Variants in EIF4G2 observed in about 807,000 individuals in gnomAD.
EIF4G2 encodes eukaryotic translation initiation factor 4 gamma 2, also known as DAP-5.
A neutral mutation model predicts 117.7 loss-of-function variants in EIF4G2; 8 were observed. That is an observed-to-expected ratio of 0.07 (90% CI 0.04 to 0.12). The LOEUF is 0.12. Ranked by LOEUF, EIF4G2 falls within the 10% of genes least tolerant of loss-of-function variation. The probability of loss-of-function intolerance (pLI) is 1.00; values close to 1 mark genes in which losing one functional copy is unlikely to be tolerated. For synonymous variants in EIF4G2, 413 were observed against 367.8 expected, an observed-to-expected ratio of 1.12 and a Z score of -1.41; for missense variants, 812 against 1,086.2, an observed-to-expected ratio of 0.75 and a Z score of 3.55.
Position 10,797,934 on chromosome 11 carries a change from A to G in EIF4G2, c.2659-53T>C. On this transcript the variant is annotated intron_variant, in intron 21 of 21. Coordinates refer to ENST00000339995, the MANE Select transcript of EIF4G2 (RefSeq NM_001418.4). The surrounding 1 kb of genome is among the most constrained non-coding windows in gnomAD (Gnocchi z 4.5). ...TAGTTCATGATATAAACAGAAATCC[A>G]TCCAAAAAGTTTTAGGTGGTACTAC... 6.3e-7 allele frequency: 1 copy of G among 1,580,130 alleles called. No individual in the cohort carries two copies. Among genetic ancestry groups the G allele is most frequent in the East Asian group, 2.2e-5 (1 of 44,682 alleles).
chr11:10,806,598 A>T (rs1217330165), intron 3 of EIF4G2: 1 of 525,344 alleles, frequency 1.9e-6, no homozygotes, highest in African/African-American at 1.9e-5. Context: ...AAAATAACCC[A>T]AAGAATAAGG....
chr11:10,802,144 G>A lies in EIF4G2; in HGVS notation c.1204C>T (p.Arg402Cys). The A allele has an allele frequency of 6.4e-7, 1 of 1,561,470 alleles. No individual in the cohort carries two copies. Among genetic ancestry groups the A allele is most frequent in the Non-Finnish European group, 8.7e-7 (1 of 1,155,408 alleles). ...TGGCCATTGAAGAGTTGATTTGAAC[G>A]ATGACGTCCCATGGTGGGTGAAAAT... Residue 402 changes from arginine (R) to cysteine (C), a missense_variant, in exon 13 of 22, where the codon CGT becomes TGT. Arg to Cys is a radical substitution (Grantham distance 180). Around this residue, in one of 4 missense-constraint regions of EIF4G2, gnomAD observed 571 missense variants for 642.3 expected, o/e 0.89. Coordinates refer to ENST00000339995, the MANE Select transcript of EIF4G2 (RefSeq NM_001418.4).
At chr11:10,801,390 G>A in intron 14 of EIF4G2, 4 of 629,882 alleles carry the variant, frequency 6.4e-6, no homozygotes, top group Non-Finnish European at 1.1e-5. Flanking sequence ...TTTATCCTTA[G>A]TTAAATCACC....
In EIF4G2 at chr11:10,797,937, CA is replaced by C; in HGVS notation, c.2659-57del. The C allele has an allele frequency of 9.6e-6, 15 of 1,568,556 alleles. No homozygotes were observed. The highest frequency in any genetic ancestry group is 1.7e-5 in the Admixed American group (1 of 58,698). ...TTCATGATATAAACAGAAATCCATC[CA>C]AAAAGTTTTAGGTGGTACTACACAG... On this transcript the variant is annotated intron_variant, in intron 21 of 21. Transcript: ENST00000339995. The surrounding 1 kb of genome is among the most constrained non-coding windows in gnomAD (Gnocchi z 4.5).
At chr11:10,805,295 T>C (rs1009258090) in intron 4 of EIF4G2, among the ~76,000 whole-genome samples, 1 of 152,192 alleles carries the variant, frequency 6.6e-6, no homozygotes, top group Non-Finnish European at 1.5e-5. Context: ...GGCTAGACCA[T>C]GAACTAAGAC....
At chr11:10,807,588 G>A (rs928365635) in intron 1 of EIF4G2, 76 of 1,206,724 alleles carry the variant, frequency 6.3e-5, no homozygotes, top group Non-Finnish European at 7.7e-5. Context: ...AAGAGACTTC[G>A]TAGAACACAA....
chr11:10,807,500 T>C, intron 1 of EIF4G2, 119 bp from the exon 2 acceptor site: 1 of 1,343,554 alleles, frequency 7.4e-7, no homozygotes, highest in South Asian at 2.0e-5. Flanking sequence ...TCTGTAAGAC[T>C]AACCTAAAAT....
At chr11:10,806,631 C>G (rs1261167095) in intron 3 of EIF4G2, 189 bp downstream of exon 3, 1 of 575,772 alleles carries the variant, frequency 1.7e-6, no homozygotes, top group African/African-American at 1.9e-5. Context: ...GCTTGAGAGT[C>G]TCAACTCACT....
At position 10,803,708 on chromosome 11, in the gene EIF4G2, G is replaced by A. The variant is rs1057433447; in HGVS notation, c.703-118C>T. 1.1e-5 allele frequency: 12 copies of A among 1,123,972 alleles called. No individual in the cohort carries two copies. Among genetic ancestry groups the A allele is most frequent in the Non-Finnish European group, 1.4e-5 (11 of 775,132 alleles). The allele number at this position is 1,123,972 out of a possible 1,614,324, so 69.6% of individuals were successfully genotyped here. Reference sequence around the variant, plus strand: ...ACAGTTCCTACAGAATCTAGTATAGGGCTTTCTACCAGTCTGGTTGATCAG... The same window carrying A: ...ACAGTTCCTACAGAATCTAGTATAGAGCTTTCTACCAGTCTGGTTGATCAG... On this transcript the variant is annotated intron_variant, in intron 8 of 21. Transcript: ENST00000339995. This position sits in a 1 kb window ranked among gnomAD's most constrained non-coding sequence, Gnocchi z 4.0.
intron 3 of EIF4G2, chr11:10,806,476 G>C: frequency 6.2e-6 from 2 of 322,868 alleles, no homozygotes; most frequent in South Asian, 8.7e-5. Flanking sequence ...CCACTGTACC[G>C]GCTGCCAATA....
At chr11:10,805,880 T>C in intron 4 of EIF4G2, 27 bp downstream of exon 4, 1 of 1,614,152 alleles carries the variant, frequency 6.2e-7, no homozygotes, top group Non-Finnish European at 8.5e-7. Context: ...CTTCCCATCT[T>C]TTAGTAAAAC....
intron 1 of EIF4G2, chr11:10,808,009 C>T: frequency 9.6e-7 from 1 of 1,042,862 alleles, no homozygotes; most frequent in Non-Finnish European, 1.2e-6. Flanking sequence ...TTCCGACAAC[C>T]TCCCCGCGAG....
intron 5 of EIF4G2, 32 bp from the exon 6 acceptor site, chr11:10,804,450 T>A: frequency 1.3e-6 from 2 of 1,547,480 alleles, no homozygotes. Context: ...AAACTAAATA[T>A]GAAAACTTCT....
In EIF4G2 at chr11:10,800,073, A is replaced by G. The variant is rs766669437; in HGVS notation, c.2119+17T>C. 27 of 1,608,206 alleles carry G rather than the reference A, an allele frequency of 1.7e-5. No homozygotes were observed. The highest frequency in any genetic ancestry group is 2.3e-5 in the Non-Finnish European group (27 of 1,177,806). ...TAATATTAAAAAAACAAAACAAACA[A>G]GTCAGCATTCTCTTACCTGGGAGCA... On this transcript the variant is annotated intron_variant, in intron 18 of 21. Coordinates refer to ENST00000339995, the MANE Select transcript of EIF4G2 (RefSeq NM_001418.4).
At chr11:10,802,757 C>G (rs1289415722) in intron 11 of EIF4G2, among the ~76,000 whole-genome samples, 1 of 152,162 alleles carries the variant, frequency 6.6e-6, no homozygotes, top group African/African-American at 2.4e-5. Context: ...GTCCCAGCTA[C>G]TGGGGAGGCT....
Position 10,808,598 on chromosome 11 carries a change from A to G in EIF4G2, c.-87+107T>C. On this transcript the variant is annotated intron_variant, in intron 1 of 21. Coordinates refer to ENST00000339995, the MANE Select transcript of EIF4G2 (RefSeq NM_001418.4). ...GGAAATGCTAAAAAAGGGTCGCCCC[A>G]CCCGGCTCCGCCTGCGGCCGCCATT... The G allele has an allele frequency of 3.8e-6, 3 of 796,140 alleles. No individual in the cohort carries two copies. The South Asian group carries it at 6.5e-5, about 17-fold the overall frequency. 49.3% of individuals were successfully genotyped at this position (796,140 alleles called of 1,614,324 possible). A position where few individuals can be genotyped will look rare whatever the true frequency, so the allele number is the denominator to read the frequency against.
chr11:10,801,184 G>A (rs1487176955), intron 14 of EIF4G2, 97 bp from the exon 15 acceptor site: 4 of 1,509,258 alleles, frequency 2.7e-6, no homozygotes, highest in Non-Finnish European at 3.5e-6. Flanking sequence ...ACAGAATCTA[G>A]GGAAACATTA....
intron 5 of EIF4G2, 194 bp from the exon 6 acceptor site, chr11:10,804,612 A>G: frequency 1.4e-6 from 1 of 705,678 alleles, no homozygotes; most frequent in Non-Finnish European, 2.2e-6. Context: ...AAGTCTACAT[A>G]AACTGTCATA....
In EIF4G2 at chr11:10,797,899, T is replaced by TAA. The variant is rs778494064; in HGVS notation, c.2659-20_2659-19dup. 6.2e-7 allele frequency: 1 copy of TAA among 1,610,122 alleles called. No individual in the cohort carries two copies. Among genetic ancestry groups the TAA allele is most frequent in the Non-Finnish European group, 8.5e-7 (1 of 1,177,512 alleles). ...TGATTCACCTATAAATTAAGATTTG[T>TAA]AAATTAAAATAGTTCATGATATAAA... is the stretch of plus-strand genomic sequence containing the variant. On this transcript the variant is annotated intron_variant, in intron 21 of 21. Transcript: ENST00000339995. The surrounding 1 kb of genome is among the most constrained non-coding windows in gnomAD (Gnocchi z 4.5).
Sources: allele counts gnomAD v4.1 joint callset (sites outside exome capture counted in the v4.1 genomes callset), GRCh38; gene constraint gnomAD v4.1.1; regional missense constraint gnomAD v4.1.1; non-coding constraint Gnocchi (gnomAD v3.1); transcripts MANE v1.5; gene names NCBI Gene and HGNC (gene_info 2026-07-23, HGNC 2026-07-21).